Variants in RYR2 observed in about 807,000 individuals in gnomAD.
The protein encoded by RYR2 is ryanodine receptor 2.
RYR2 carries 227 observed loss-of-function variants against 601.1 expected under a neutral mutation model. The observed-to-expected ratio is 0.38, with a 90% CI of 0.34 to 0.42. RYR2 has a LOEUF of 0.42. Ranked by LOEUF, RYR2 falls within the 10% of genes least tolerant of loss-of-function variation. The pLI, the probability that RYR2 is intolerant of heterozygous loss-of-function variation, is 1.00. For synonymous variants in RYR2, 2,223 were observed against 2,175.1 expected (o/e 1.02, Z -0.61); for missense variants, 4,646 against 6,156.5 (o/e 0.75, Z 8.21).
At chr1:237,326,900 C>G (rs143375020) in intron 2 of RYR2, among the ~76,000 whole-genome samples, 1 of 152,258 alleles carries the variant, frequency 6.6e-6, no homozygotes, top group Admixed American at 6.5e-5. Context: ...CCTTTATTTT[C>G]CAGTGATGCT....
intron 65 of RYR2, among the ~76,000 whole-genome samples, chr1:237,701,263 G>A (rs1687944179): frequency 6.6e-6 from 1 of 152,220 alleles, no homozygotes; most frequent in Non-Finnish European, 1.5e-5. Flanking sequence ...GGGTGCAGTG[G>A]CGCATGCCTG....
At chr1:237,830,674 C>G (rs1343837384) in intron 103 of RYR2, 44 bp downstream of exon 103, 1 of 930,866 alleles carries the variant, frequency 1.1e-6, no homozygotes, top group Admixed American at 1.8e-5. Flanking sequence ...CCAGTAGACG[C>G]CACTGGTCCC....
At chr1:237,118,668 G>A (rs1208760865) in intron 1 of RYR2, among the ~76,000 whole-genome samples, 1 of 151,950 alleles carries the variant, frequency 6.6e-6, no homozygotes, top group East Asian at 1.9e-4. Flanking sequence ...GCAGTGGCAT[G>A]ATTTGGCTCA....
intron 2 of RYR2, among the ~76,000 whole-genome samples, chr1:237,297,220 C>T (rs1396259835): frequency 6.6e-6 from 1 of 151,990 alleles, no homozygotes; most frequent in East Asian, 1.9e-4. Context: ...TCACAGAATG[C>T]GAGGGCAAAG....
intron 1 of RYR2, among the ~76,000 whole-genome samples, chr1:237,121,689 G>A (rs538040245): frequency 2.0e-5 from 3 of 152,274 alleles, no homozygotes; most frequent in Non-Finnish European, 4.4e-5. Flanking sequence ...TCAGTCCCAG[G>A]TGACACCCTA....
At chr1:237,618,531 G>T (rs1331232201) in intron 38 of RYR2, among the ~76,000 whole-genome samples, 2 of 152,156 alleles carry the variant, frequency 1.3e-5, no homozygotes, top group Non-Finnish European at 2.9e-5. Context: ...ATCTATCCCA[G>T]ATTTGAAGCT....
intron 1 of RYR2, among the ~76,000 whole-genome samples, chr1:237,226,029 T>C (rs1269162856): frequency 6.7e-6 from 1 of 150,122 alleles, no homozygotes; most frequent in East Asian, 2.0e-4. Context: ...CACTCCAGCC[T>C]GGGTGACAGA....
chr1:237,192,868 A>G (rs535794769), intron 1 of RYR2, among the ~76,000 whole-genome samples: 1 of 152,244 alleles, frequency 6.6e-6, no homozygotes, highest in South Asian at 2.1e-4. Context: ...TATTCTAGAT[A>G]ATATATATAG....
chr1:237,757,864 T>C, intron 82 of RYR2, 88 bp downstream of exon 82: 1 of 875,848 alleles, frequency 1.1e-6, no homozygotes, highest in Non-Finnish European at 1.9e-6. Flanking sequence ...TGTTTTATTT[T>C]CTATGTACAA....
intron 17 of RYR2, among the ~76,000 whole-genome samples, chr1:237,487,238 T>C (rs1662778393): frequency 6.6e-6 from 1 of 152,170 alleles, no homozygotes; most frequent in African/African-American, 2.4e-5. Context: ...ACTGTTTCTC[T>C]GCATCATTTT....
At chr1:237,644,767 C>T (rs914786383) in intron 48 of RYR2, among the ~76,000 whole-genome samples, 1 of 152,090 alleles carries the variant, frequency 6.6e-6, no homozygotes, top group African/African-American at 2.4e-5. Context: ...CGTAGTGGCT[C>T]ATGCCTGTAA....
chr1:237,100,326 T>A (rs1667941835), intron 1 of RYR2, among the ~76,000 whole-genome samples: 1 of 152,136 alleles, frequency 6.6e-6, no homozygotes, highest in Non-Finnish European at 1.5e-5. Flanking sequence ...GTGGACTCAA[T>A]CTCGCTTCTC....
intron 1 of RYR2, among the ~76,000 whole-genome samples, chr1:237,113,669 T>C (rs1309726580): frequency 6.6e-6 from 1 of 151,970 alleles, no homozygotes; most frequent in Non-Finnish European, 1.5e-5. Context: ...CATGAAATAG[T>C]GTAAAAAATC....
rs879374988 is a variant in RYR2, at chr1:237,565,151, TTCTTTC to T, written c.3215-1408_3215-1403del. Among the ~76,000 whole-genome samples, 325 of 105,154 alleles carry T rather than the reference TTCTTTC, an allele frequency of 3.1e-3. 25 individuals are homozygous for T. The highest frequency in any genetic ancestry group is 5.5e-3 in the Non-Finnish European group (251 of 45,772). The allele number at this position is 105,154 out of a possible 152,430, so 69.0% of individuals were successfully genotyped here. A position where few individuals can be genotyped will look rare whatever the true frequency, so the allele number is the denominator to read the frequency against. Reference sequence around the variant, plus strand: ...TCTTTCTTTCTTTCTTTTTCTTTCTTTCTTTCTCTTTCTTTCTTTCTTTCTTTCTTT... The same window carrying T: ...TCTTTCTTTCTTTCTTTTTCTTTCTTTCTTTCTTTCTTTCTTTCTTTCTTT... On this transcript the variant is annotated intron_variant, in intron 27 of 104. Transcript: ENST00000366574.
chr1:237,047,738 G>A (rs1221063280), intron 1 of RYR2, among the ~76,000 whole-genome samples: 2 of 152,056 alleles, frequency 1.3e-5, no homozygotes, highest in African/African-American at 4.8e-5. Context: ...TACCTTCTGG[G>A]TAATTTTTTA....
intron 2 of RYR2, among the ~76,000 whole-genome samples, chr1:237,313,155 A>G (rs1462110443): frequency 6.6e-6 from 1 of 151,028 alleles, no homozygotes; most frequent in Admixed American, 6.6e-5. Flanking sequence ...GTATTGAAGT[A>G]CAGATATAGT....
intron 17 of RYR2, among the ~76,000 whole-genome samples, chr1:237,476,374 G>A (rs528384547): frequency 1.3e-5 from 2 of 152,160 alleles, no homozygotes; most frequent in African/African-American, 4.8e-5. Flanking sequence ...GCCAGGCATG[G>A]TGGCAGGTGC....
chr1:237,288,590 G>A (rs1411746896), intron 2 of RYR2, among the ~76,000 whole-genome samples: 1 of 151,930 alleles, frequency 6.6e-6, no homozygotes, highest in East Asian at 1.9e-4. Context: ...CAGGGAAGTG[G>A]GGGAAAGCCA....
At chr1:237,673,680 C>A (rs573574478) in intron 58 of RYR2, among the ~76,000 whole-genome samples, 2 of 152,106 alleles carry the variant, frequency 1.3e-5, no homozygotes, top group South Asian at 2.1e-4. Context: ...TCTCTCTGTG[C>A]GACAGCAGAT....
Sources: allele counts gnomAD v4.1 joint callset (sites outside exome capture counted in the v4.1 genomes callset), GRCh38; gene constraint gnomAD v4.1.1; transcripts MANE v1.5; gene names NCBI Gene and HGNC (gene_info 2026-07-23, HGNC 2026-07-21).